The following NIBAN1 variants were observed in gnomAD, a reference collection of about 807,000 sequenced individuals.
NIBAN1 encodes the protein niban apoptosis regulator 1, also known as protein Niban 1.
In NIBAN1, 81 loss-of-function variants were observed where a neutral mutation model predicts 75.1. That is an observed-to-expected ratio of 1.08 (90% CI 0.90 to 1.30). The LOEUF is 1.30. NIBAN1 is among the 50% of genes most tolerant of loss of function. The pLI is 0.00. For missense variants in NIBAN1, 1,133 were observed against 1,128.1 expected (o/e 1.00, Z -0.06); for synonymous variants, 436 against 424.8 (o/e 1.03, Z -0.32).
At chr1:184,799,123 T>C (rs894338025) in intron 12 of NIBAN1, among the ~76,000 whole-genome samples, 3 of 152,146 alleles carry the variant, frequency 2.0e-5, no homozygotes, top group Admixed American at 6.5e-5. Context: ...ACATGTGCCA[T>C]GCTGGTGCGC....
intron 1 of NIBAN1, among the ~76,000 whole-genome samples, chr1:184,970,161 C>A (rs1428119918): frequency 1.4e-5 from 2 of 139,164 alleles, no homozygotes; most frequent in South Asian, 2.3e-4. Context: ...CAGAGTGAGA[C>A]CCTGTCTCAA....
intron 1 of NIBAN1, among the ~76,000 whole-genome samples, chr1:184,942,760 A>C (rs1658127189): frequency 6.6e-6 from 1 of 151,886 alleles, no homozygotes; most frequent in South Asian, 2.1e-4. Context: ...TGCCTACCTA[A>C]CTGGCCACAC....
intron 7 of NIBAN1, 117 bp from the exon 8 acceptor site, chr1:184,823,446 T>C: frequency 5.1e-6 from 7 of 1,373,228 alleles, no homozygotes; most frequent in Non-Finnish European, 6.9e-6. Context: ...TGCACACACA[T>C]TGTAATTTTT....
At chr1:184,961,875 G>A (rs1451408414) in intron 1 of NIBAN1, among the ~76,000 whole-genome samples, 1 of 152,214 alleles carries the variant, frequency 6.6e-6, no homozygotes, top group Non-Finnish European at 1.5e-5. Flanking sequence ...ACATTGCTGT[G>A]CGTAAGAATT....
intron 9 of NIBAN1, among the ~76,000 whole-genome samples, chr1:184,815,766 T>C (rs1475781858): frequency 6.6e-6 from 1 of 152,126 alleles, no homozygotes; most frequent in East Asian, 1.9e-4. Flanking sequence ...TCATAATCAG[T>C]CAAAACTCTT....
At position 184,871,036 on chromosome 1, in the gene NIBAN1, G is replaced by A. The variant is rs1194431840; in HGVS notation, c.601+13597C>T. On this transcript the variant is annotated intron_variant, in intron 5 of 13. Transcript: ENST00000367511. ...GATAAGCCCCCAATCCAATATGACT[G>A]GTGTCCTTATAAAAGAGGAAAATGT... Among the ~76,000 whole-genome samples the A allele has an allele frequency of 2.6e-5, 4 of 152,026 alleles. No individual in the cohort carries two copies. In the East Asian group the frequency reaches 5.8e-4, roughly 22 times the overall value.
At position 184,946,085 on chromosome 1, in the gene NIBAN1, C is replaced by G. The variant is rs190052590; in HGVS notation, c.55+28217G>C. 1.0e-3 allele frequency among the ~76,000 whole-genome samples: 154 copies of G among 151,796 alleles called. 3 individuals carry two copies. Among genetic ancestry groups the G allele is most frequent in the African/African-American group, 3.6e-3 (147 of 41,366 alleles). ...AAAAACAGGGACAGATAGATTGAGA[C>G]CTATAATTTGTAAGAACAACAAGAA... is the stretch of plus-strand genomic sequence containing the variant. On this transcript the variant is annotated intron_variant, in intron 1 of 13. Coordinates refer to ENST00000367511, the MANE Select transcript of NIBAN1 (RefSeq NM_052966.4).
chr1:184,817,138 C>T (rs976189980), intron 9 of NIBAN1, among the ~76,000 whole-genome samples: 1 of 152,142 alleles, frequency 6.6e-6, no homozygotes, highest in South Asian at 2.1e-4. Flanking sequence ...GGTTTTCTGT[C>T]CTTGTGATAG....
chr1:184,923,546 G>A (rs1253275952), intron 1 of NIBAN1, among the ~76,000 whole-genome samples: 2 of 152,102 alleles, frequency 1.3e-5, no homozygotes, highest in East Asian at 3.8e-4. Context: ...TGGCTATCCT[G>A]GGTCTTTTGT....
chr1:184,803,830 A>T (rs1654115048), intron 11 of NIBAN1, 138 bp from the exon 12 acceptor site: 2 of 675,454 alleles, frequency 3.0e-6, no homozygotes, highest in Admixed American at 5.0e-5. Flanking sequence ...GGCCTCAGAG[A>T]TCTTTCCATG....
intron 1 of NIBAN1, among the ~76,000 whole-genome samples, chr1:184,918,205 T>C (rs886455600): frequency 6.6e-6 from 1 of 152,168 alleles, no homozygotes; most frequent in African/African-American, 2.4e-5. Context: ...GGTGCCACAG[T>C]CAGCAAACCC....
At chr1:184,938,137 T>C (rs1658007304) in intron 1 of NIBAN1, among the ~76,000 whole-genome samples, 1 of 152,148 alleles carries the variant, frequency 6.6e-6, no homozygotes, top group Non-Finnish European at 1.5e-5. Flanking sequence ...AGTGACATGC[T>C]GAGATTTGCA....
chr1:184,884,607 G>A, intron 5 of NIBAN1, 26 bp downstream of exon 5: 2 of 1,611,806 alleles, frequency 1.2e-6, no homozygotes, highest in Non-Finnish European at 8.5e-7. Flanking sequence ...TCCCGCCCCG[G>A]GGATGAGAGG....
chr1:184,970,392 G>C (rs980702679), intron 1 of NIBAN1, among the ~76,000 whole-genome samples: 1 of 152,052 alleles, frequency 6.6e-6, no homozygotes, highest in Non-Finnish European at 1.5e-5. Context: ...CAAATGTGTG[G>C]ACTAGTACGA....
At chr1:184,933,136 C>T (rs1021877233) in intron 1 of NIBAN1, among the ~76,000 whole-genome samples, 2 of 152,166 alleles carry the variant, frequency 1.3e-5, no homozygotes, top group African/African-American at 2.4e-5. Context: ...TACTTCCCTA[C>T]ACTCCCACCA....
intron 3 of NIBAN1, among the ~76,000 whole-genome samples, chr1:184,892,261 C>G (rs889768054): frequency 1.3e-5 from 2 of 152,180 alleles, no homozygotes; most frequent in African/African-American, 4.8e-5. Flanking sequence ...TTACTCCTCT[C>G]AACACCATGG....
chr1:184,835,394 G>A (rs1240639066), intron 5 of NIBAN1, among the ~76,000 whole-genome samples: 1 of 152,216 alleles, frequency 6.6e-6, no homozygotes, highest in Non-Finnish European at 1.5e-5. Context: ...GTTATTGGTA[G>A]CTTGATGGAG....
intron 1 of NIBAN1, among the ~76,000 whole-genome samples, chr1:184,937,468 A>G (rs1280330826): frequency 6.6e-6 from 1 of 152,196 alleles, no homozygotes; most frequent in Non-Finnish European, 1.5e-5. Flanking sequence ...AAAGAAAAGA[A>G]TATGTATATT....
At chr1:184,911,509 G>A (rs903413668) in intron 1 of NIBAN1, among the ~76,000 whole-genome samples, 1 of 152,152 alleles carries the variant, frequency 6.6e-6, no homozygotes, top group South Asian at 2.1e-4. Context: ...TCGCATTCAG[G>A]TGTTCCAATT....
Sources: allele counts gnomAD v4.1 joint callset (sites outside exome capture counted in the v4.1 genomes callset), GRCh38; gene constraint gnomAD v4.1.1; transcripts MANE v1.5; gene names NCBI Gene and HGNC (gene_info 2026-07-23, HGNC 2026-07-21).